The following RBFOX1 variants were observed in gnomAD, a reference collection of about 807,000 sequenced individuals.
RBFOX1 encodes RNA binding fox-1 homolog 1, also known as RNA binding protein fox-1 homolog 1.
A neutral mutation model predicts 57.7 loss-of-function variants in RBFOX1; 8 were observed. The observed-to-expected ratio is 0.14, with a 90% CI of 0.08 to 0.25. The LOEUF (loss-of-function observed/expected upper bound fraction) is 0.25, where lower values mean the gene tolerates loss of function less well. Among genes scored for constraint, RBFOX1 ranks in the 10% least tolerant of loss-of-function variants. RBFOX1 has a pLI of 1.00. For missense variants in RBFOX1, 611 were observed against 548.5 expected (o/e 1.11, Z -1.14); for synonymous variants, 326 against 222.4 (o/e 1.47, Z -4.15).
intron 1 of RBFOX1, among the ~76,000 whole-genome samples, chr16:6,120,810 A>G (rs1448110954): frequency 6.6e-6 from 1 of 152,142 alleles, no homozygotes. Flanking sequence ...TGGTGCTGCT[A>G]ACATTCACTG....
intron 1 of RBFOX1, among the ~76,000 whole-genome samples, chr16:6,253,184 A>C (rs1208356298): frequency 6.6e-6 from 1 of 152,180 alleles, no homozygotes. Flanking sequence ...CTAACTCCAA[A>C]TTCTATTTCT....
chr16:5,849,369 C>T (rs915863014), intron 3 of RBFOX1, among the ~76,000 whole-genome samples: 1 of 152,012 alleles, frequency 6.6e-6, no homozygotes. Context: ...CACCATGAGG[C>T]CCTGCTTCCT....
chr16:6,509,396 A>T (rs749373980), intron 2 of RBFOX1, among the ~76,000 whole-genome samples: 34 of 152,204 alleles, frequency 2.2e-4, no homozygotes, highest in Non-Finnish European at 3.7e-4. Context: ...CATAGATGGA[A>T]CTGGAGGTCA....
intron 1 of RBFOX1, among the ~76,000 whole-genome samples, chr16:6,302,403 A>G (rs1051172543): frequency 6.6e-6 from 1 of 152,166 alleles, no homozygotes; most frequent in Non-Finnish European, 1.5e-5. Context: ...GCTGAACATG[A>G]AGGACTGACT....
intron 3 of RBFOX1, among the ~76,000 whole-genome samples, chr16:5,819,266 G>C (rs781000262): frequency 1.3e-5 from 2 of 152,150 alleles, no homozygotes; most frequent in Non-Finnish European, 1.5e-5. Context: ...GATCATACGA[G>C]CTCTCTGGGA....
chr16:7,186,259 T>C (rs2083751245), intron 4 of RBFOX1, among the ~76,000 whole-genome samples: 1 of 69,220 alleles, frequency 1.4e-5, no homozygotes, highest in East Asian at 4.5e-4. Context: ...TAAACATATT[T>C]ATATAAACAT....
intron 1 of RBFOX1, among the ~76,000 whole-genome samples, chr16:5,355,291 A>G (rs534450957): frequency 2.6e-4 from 39 of 152,314 alleles, no homozygotes; most frequent in African/African-American, 8.9e-4. Context: ...AGGTTTCACA[A>G]CTGAACGCAG....
chr16:5,863,898 A>T (rs2057284897), intron 3 of RBFOX1, among the ~76,000 whole-genome samples: 1 of 151,946 alleles, frequency 6.6e-6, no homozygotes, highest in Non-Finnish European at 1.5e-5. Context: ...TTTCTTTCCA[A>T]TTTTTTCGTG....
intron 4 of RBFOX1, among the ~76,000 whole-genome samples, chr16:7,265,638 G>A (rs1174478055): frequency 2.0e-5 from 3 of 152,060 alleles, no homozygotes; most frequent in South Asian, 4.2e-4. Context: ...TAGTAGAGAC[G>A]AGTCTTCGCC....
chr16:6,303,483 T>A (rs1227264245), intron 1 of RBFOX1, among the ~76,000 whole-genome samples: 1 of 152,174 alleles, frequency 6.6e-6, no homozygotes, highest in Non-Finnish European at 1.5e-5. Context: ...AAATAAAGTG[T>A]TCTCAGTGGT....
chr16:7,636,092 G>A (rs1482531573), intron 11 of RBFOX1, among the ~76,000 whole-genome samples: 1 of 152,232 alleles, frequency 6.6e-6, no homozygotes, highest in South Asian at 2.1e-4. Context: ...TTGCAGGCAT[G>A]AGCCACTGCG....
intron 3 of RBFOX1, among the ~76,000 whole-genome samples, chr16:7,038,959 C>G (rs951931120): frequency 2.0e-5 from 3 of 152,170 alleles, no homozygotes; most frequent in Admixed American, 6.5e-5. Context: ...ATAACCAACA[C>G]TTGAATCTCT....
At chr16:6,079,990 G>A (rs992857000) in intron 1 of RBFOX1, among the ~76,000 whole-genome samples, 1 of 152,198 alleles carries the variant, frequency 6.6e-6, no homozygotes, top group Non-Finnish European at 1.5e-5. Context: ...TGTGATTGAG[G>A]CTTACAACCA....
intron 4 of RBFOX1, among the ~76,000 whole-genome samples, chr16:5,919,445 C>T (rs913935360): frequency 1.3e-5 from 2 of 152,038 alleles, no homozygotes; most frequent in South Asian, 4.2e-4. Context: ...TGGGTTCAAG[C>T]GATTCTCCTG....
intron 2 of RBFOX1, among the ~76,000 whole-genome samples, chr16:6,468,436 G>A (rs1254288954): frequency 6.6e-6 from 1 of 152,118 alleles, no homozygotes; most frequent in South Asian, 2.1e-4. Flanking sequence ...TACAATTATA[G>A]CTTAGGACAT....
intron 4 of RBFOX1, among the ~76,000 whole-genome samples, chr16:7,306,791 C>G (rs2096199412): frequency 6.6e-6 from 1 of 152,172 alleles, no homozygotes; most frequent in African/African-American, 2.4e-5. Context: ...TCTCAAGTCA[C>G]TTATTTTATT....
chr16:6,207,608 T>G (rs1180947207), intron 1 of RBFOX1, among the ~76,000 whole-genome samples: 1 of 152,218 alleles, frequency 6.6e-6, no homozygotes, highest in Non-Finnish European at 1.5e-5. Flanking sequence ...ATATATTAAT[T>G]TAATTATTTG....
At chr16:5,562,993 A>C (rs2045940824) in intron 2 of RBFOX1, among the ~76,000 whole-genome samples, 1 of 152,160 alleles carries the variant, frequency 6.6e-6, no homozygotes, top group African/African-American at 2.4e-5. Context: ...TTTGTCACCC[A>C]GGCTGGAGTG....
chr16:7,381,963 GA>G (rs1254204012), intron 4 of RBFOX1, among the ~76,000 whole-genome samples: 4 of 152,196 alleles, frequency 2.6e-5, no homozygotes. Context: ...TCCCCTGGGG[GA>G]TGAAATGTTT....
Sources: gnomAD v4.1 joint callset for allele counts (sites outside exome capture counted in the v4.1 genomes callset) on GRCh38, gnomAD v4.1.1 for gene constraint, MANE v1.5 for transcripts, NCBI Gene and HGNC (gene_info 2026-07-23, HGNC 2026-07-21) for gene names.